TLN2: variants seen among roughly 807,000 people sequenced by gnomAD.
TLN2 encodes the protein talin 2, also known as talin-2.
In TLN2, 118 loss-of-function variants were observed where a neutral mutation model predicts 294.7. The ratio of observed to expected loss-of-function variants is 0.40; its 90% CI spans 0.34 to 0.47. TLN2 has a LOEUF of 0.47. Ranked by LOEUF, TLN2 falls within the 20% of genes least tolerant of loss-of-function variation. The probability of loss-of-function intolerance (pLI) is 0.84; values close to 1 mark genes in which losing one functional copy is unlikely to be tolerated. For missense variants in TLN2, 3,083 were observed against 3,282.2 expected (o/e 0.94, Z 1.48); for synonymous variants, 1,431 against 1,304.5 (o/e 1.10, Z -2.09).
In TLN2 at chr15:62,702,104, T is replaced by C. The variant is rs1220333696; in HGVS notation, c.1809T>C (p.Asp603=). ...GVKLLAALMD[D]EVGSGEDLLR... ...AGCTATTGGCCGCCCTCATGGATGA[T>C]GAGGTGGGCAGCGGGGAGGACTTGC... Residue 603 remains aspartate (D), a synonymous_variant, in exon 18 of 59, where the codon GAT becomes GAC. Coordinates refer to ENST00000636159, the MANE Select transcript of TLN2 (RefSeq NM_015059.3). 6.2e-7 allele frequency: 1 copy of C among 1,614,184 alleles called. No homozygotes were observed. The highest frequency in any genetic ancestry group is 1.7e-5 in the Admixed American group (1 of 60,028).
intron 1 of TLN2, among the ~76,000 whole-genome samples, chr15:62,480,506 T>C (rs1459495644): frequency 6.6e-6 from 1 of 152,260 alleles, no homozygotes; most frequent in Non-Finnish European, 1.5e-5. Context: ...ATTACAGGCG[T>C]GAGCCACGGT....
intron 28 of TLN2, among the ~76,000 whole-genome samples, chr15:62,735,579 A>G (rs2060966942): frequency 6.6e-6 from 1 of 152,220 alleles, no homozygotes; most frequent in African/African-American, 2.4e-5. Context: ...ATCCGATGCT[A>G]CCTGGTGTTG....
At chr15:62,838,403 G>C (rs1302088474) in intron 57 of TLN2, among the ~76,000 whole-genome samples, 1 of 152,210 alleles carries the variant, frequency 6.6e-6, no homozygotes, top group Non-Finnish European at 1.5e-5. Context: ...CAGGCACACA[G>C]AGGGAGAGGG....
intron 45 of TLN2, among the ~76,000 whole-genome samples, chr15:62,791,787 T>G (rs1008945550): frequency 2.6e-5 from 4 of 152,228 alleles, no homozygotes; most frequent in African/African-American, 7.2e-5. Flanking sequence ...GCAGATTATT[T>G]ATGGCAGCTG....
chr15:62,825,773 T>C (rs111562025), intron 54 of TLN2, among the ~76,000 whole-genome samples: 1 of 26,572 alleles, frequency 3.8e-5, no homozygotes, highest in African/African-American at 1.1e-4. Context: ...TTATATATTA[T>C]ATAATATATT....
chr15:62,710,745 T>TTG (rs2059375286), intron 21 of TLN2, among the ~76,000 whole-genome samples: 1 of 67,112 alleles, frequency 1.5e-5, no homozygotes, highest in Non-Finnish European at 4.0e-5. Flanking sequence ...TTTTTTTTTT[T>TTG]GATGGAGTCT....
At chr15:62,399,137 G>A (rs374553143) in intron 1 of TLN2, among the ~76,000 whole-genome samples, 15 of 152,060 alleles carry the variant, frequency 9.9e-5, no homozygotes, top group South Asian at 2.1e-4. Flanking sequence ...TCCTGCAGGC[G>A]TGCAGAAGAC....
At chr15:62,573,607 C>T (rs543517224) in intron 1 of TLN2, among the ~76,000 whole-genome samples, 1 of 152,222 alleles carries the variant, frequency 6.6e-6, no homozygotes, top group South Asian at 2.1e-4. Flanking sequence ...TCTCCCTGGC[C>T]ATGTTCCAGC....
At chr15:62,788,753 C>T (rs924884977) in intron 45 of TLN2, among the ~76,000 whole-genome samples, 14 of 152,220 alleles carry the variant, frequency 9.2e-5, no homozygotes, top group Non-Finnish European at 1.9e-4. Context: ...AGTCGGGCAT[C>T]ACAACCCTGG....
intron 1 of TLN2, among the ~76,000 whole-genome samples, chr15:62,391,115 C>G (rs933018827): frequency 1.9e-4 from 29 of 152,360 alleles, no homozygotes; most frequent in African/African-American, 7.0e-4. Context: ...AGCCGGGCCC[C>G]CGCGCCAGAA....
At position 62,650,101 on chromosome 15, in the gene TLN2, T is replaced by C. The variant is rs752336441; in HGVS notation, c.154T>C (p.Phe52Leu). The change falls in exon 5 of 59, where the codon TTT becomes CTT. Residue 52 changes from phenylalanine to leucine, a missense_variant. Transcript: ENST00000636159. ...TATTTCAGCTTCTGACTATGGACTC[T>C]TTCTTTCGGATGAAGACCCGAGGAA... ...QTGQASDYGL[F>L]LSDEDPRKGI... 1.2e-6 allele frequency: 2 copies of C among 1,614,166 alleles called. No homozygotes were observed.
At chr15:62,395,216 C>T (rs1471129457) in intron 1 of TLN2, among the ~76,000 whole-genome samples, 3 of 121,912 alleles carry the variant, frequency 2.5e-5, no homozygotes, top group African/African-American at 9.6e-5. Context: ...TATCTAGTAG[C>T]CAGGGCGGGG....
intron 1 of TLN2, among the ~76,000 whole-genome samples, chr15:62,508,046 G>A (rs917661062): frequency 1.3e-4 from 20 of 151,908 alleles, no homozygotes; most frequent in African/African-American, 4.6e-4. Context: ...ATCACCAAGA[G>A]GCTTCCATAT....
chr15:62,421,160 T>C (rs970446728), intron 1 of TLN2, among the ~76,000 whole-genome samples: 1 of 152,182 alleles, frequency 6.6e-6, no homozygotes, highest in Admixed American at 6.5e-5. Flanking sequence ...CACCAGTTCA[T>C]CTGCATCTTG....
intron 54 of TLN2, among the ~76,000 whole-genome samples, chr15:62,825,842 TATA>T (rs2068114705): frequency 6.1e-5 from 5 of 81,754 alleles, no homozygotes; most frequent in South Asian, 4.0e-4. Context: ...ATATAATATA[TATA>T]AATATATTAT....
At chr15:62,838,714 G>A in intron 57 of TLN2, 142 bp from the exon 58 acceptor site, 1 of 1,075,862 alleles carries the variant, frequency 9.3e-7, no homozygotes, top group Non-Finnish European at 1.3e-6. Flanking sequence ...AGACAGATGG[G>A]TACTCTCTGG....
intron 1 of TLN2, among the ~76,000 whole-genome samples, chr15:62,539,404 T>C (rs191947355): frequency 8.2e-4 from 125 of 152,212 alleles, no homozygotes; most frequent in African/African-American, 2.8e-3. Flanking sequence ...TGTCACCTAG[T>C]GGGCCCATGT....
chr15:62,442,934 T>C (rs2035629725), intron 1 of TLN2, among the ~76,000 whole-genome samples: 2 of 152,248 alleles, frequency 1.3e-5, no homozygotes, highest in Middle Eastern at 3.4e-3. Flanking sequence ...TGGTCCTATC[T>C]TCCGTCTTCC....
chr15:62,712,186 T>C (rs1245269141), intron 22 of TLN2, 109 bp downstream of exon 22: 3 of 1,360,512 alleles, frequency 2.2e-6, no homozygotes, highest in South Asian at 1.4e-5. Context: ...TTTTGTTTGC[T>C]TAAAACCTAT....
Sources: allele counts gnomAD v4.1 joint callset (sites outside exome capture counted in the v4.1 genomes callset), GRCh38; gene constraint gnomAD v4.1.1; transcripts MANE v1.5; gene names NCBI Gene and HGNC (gene_info 2026-07-23, HGNC 2026-07-21).